The following AXDND1 variants were observed in gnomAD, a reference collection of about 807,000 sequenced individuals.
AXDND1 encodes axonemal dynein light chain domain containing 1.
AXDND1 carries 110 observed loss-of-function variants against 137.5 expected under a neutral mutation model. That is an observed-to-expected ratio of 0.80 (90% CI 0.69 to 0.94). The LOEUF is 0.94. Among genes scored for constraint, AXDND1 ranks in the 40% least tolerant of loss-of-function variants. AXDND1 has a pLI of 0.00. For missense variants in AXDND1, 1,191 were observed against 1,169.8 expected (o/e 1.02, Z -0.26); for synonymous variants, 414 against 399.7 (o/e 1.04, Z -0.43).
intron 21 of AXDND1, among the ~76,000 whole-genome samples, chr1:179,518,385 C>CTTTTTTTTTTT (rs71114530): frequency 6.9e-6 from 1 of 145,110 alleles, no homozygotes; most frequent in African/African-American, 2.6e-5. Context: ...TTTCCTTTTT[C>CTTTTTTTTTTT]TTTTTTTTTT....
At chr1:179,495,994 G>A (rs182295937) in intron 20 of AXDND1, among the ~76,000 whole-genome samples, 86 of 149,348 alleles carry the variant, frequency 5.8e-4, no homozygotes, top group Non-Finnish European at 1.1e-3. Flanking sequence ...TTTTTAGTGC[G>A]TTAATATGGT....
intron 11 of AXDND1, among the ~76,000 whole-genome samples, chr1:179,410,866 A>G (rs6674331): frequency 0.12 from 17,862 of 152,152 alleles, 1,236 homozygotes; most frequent in East Asian, 0.35. Context: ...TAGTGAAAAA[A>G]TAAAGAATAA....
chr1:179,430,520 A>G lies in AXDND1; in HGVS notation c.1401A>G (p.Lys467=). The change falls in exon 14 of 26, where the codon AAA becomes AAG. Residue 467 remains lysine (K), a synonymous_variant. Coordinates refer to ENST00000367618, the MANE Select transcript of AXDND1 (RefSeq NM_144696.6). ...QKWRNLVNKL[K]QEVEQMEEST... ...GGAGAAACTTAGTGAATAAACTTAA[A>G]CAAGAGGTAGAACAAATGGAAGAGT... The G allele has an allele frequency of 1.2e-6, 2 of 1,614,032 alleles. No individual in the cohort carries two copies. Among genetic ancestry groups the G allele is most frequent in the Non-Finnish European group, 1.7e-6 (2 of 1,179,988 alleles).
At chr1:179,457,908 T>C (rs1277103473) in intron 16 of AXDND1, among the ~76,000 whole-genome samples, 2 of 152,210 alleles carry the variant, frequency 1.3e-5, no homozygotes, top group Admixed American at 6.5e-5. Context: ...TAGAATAGGA[T>C]TGTTGCTAAC....
rs183806325 is a variant in AXDND1, at chr1:179,536,602, T to G, written c.3031+1640T>G. Among the ~76,000 whole-genome samples the G allele has an allele frequency of 3.9e-3, 598 of 152,312 alleles. 3 individuals are homozygous for G. Among genetic ancestry groups the G allele is most frequent in the African/African-American group, 0.014 (567 of 41,568 alleles). ...GTTTTGGTACCAGTACCATGCTGTT[T>G]TGGTTACCGTAGCCTTGTAGTATAG... On this transcript the variant is annotated intron_variant, in intron 25 of 25. Coordinates refer to ENST00000367618, the MANE Select transcript of AXDND1 (RefSeq NM_144696.6).
intron 9 of AXDND1, among the ~76,000 whole-genome samples, chr1:179,388,682 G>A (rs569883715): frequency 6.6e-6 from 1 of 151,924 alleles, no homozygotes; most frequent in Admixed American, 6.6e-5. Flanking sequence ...CTGACTCTCG[G>A]GTTCAAGTGA....
In AXDND1 at chr1:179,408,781, G is replaced by A. The variant is rs376587823; in HGVS notation, c.1110-2365G>A. 7.9e-5 allele frequency among the ~76,000 whole-genome samples: 12 copies of A among 152,062 alleles called. No individual in the cohort carries two copies. In the South Asian group the frequency reaches 1.0e-3, roughly 13 times the overall value. ...CTGCAGCCTTGACCTCAATGCTCAAGCAATCCTTACACATCAGCCAACTGA... is the reference window on the plus strand; with the variant it reads ...CTGCAGCCTTGACCTCAATGCTCAAACAATCCTTACACATCAGCCAACTGA... On this transcript the variant is annotated intron_variant, in intron 11 of 25. Coordinates refer to ENST00000367618, the MANE Select transcript of AXDND1 (RefSeq NM_144696.6).
intron 12 of AXDND1, among the ~76,000 whole-genome samples, chr1:179,421,318 A>G (rs1366932779): frequency 3.6e-5 from 4 of 111,576 alleles, no homozygotes; most frequent in Non-Finnish European, 7.4e-5. Flanking sequence ...GTGGTTCTCT[A>G]TGGTTTCCTT....
In AXDND1 at chr1:179,488,634, CCTTTCTTTCTTT is replaced by C. The variant is rs57848949; in HGVS notation, c.2092-2850_2092-2839del. Among the ~76,000 whole-genome samples, 679 of 105,202 alleles carry C rather than the reference CCTTTCTTTCTTT, an allele frequency of 6.5e-3. 29 individuals carry two copies. Among genetic ancestry groups the C allele is most frequent in the Middle Eastern group, 0.03 (7 of 232 alleles). The allele number at this position is 105,202 out of a possible 152,430, so 69.0% of individuals were successfully genotyped here. A position where few individuals can be genotyped will look rare whatever the true frequency, so the allele number is the denominator to read the frequency against. On this transcript the variant is annotated intron_variant, in intron 18 of 25. Coordinates refer to ENST00000367618, the MANE Select transcript of AXDND1 (RefSeq NM_144696.6). ...TTTCTTTCTTTCTCTCTCTCTCTCT[CCTTTCTTTCTTT>C]CTTTCTTTCTTTCTTTCTTTCTTTC... is the stretch of plus-strand genomic sequence containing the variant.
chr1:179,371,532 C>T (rs147914200), intron 4 of AXDND1, among the ~76,000 whole-genome samples: 37 of 152,232 alleles, frequency 2.4e-4, no homozygotes, highest in South Asian at 8.3e-4. Flanking sequence ...CTCAACCCCA[C>T]GAAAACATTT....
chr1:179,531,933 G>T (rs996409504), intron 23 of AXDND1, among the ~76,000 whole-genome samples: 1 of 152,192 alleles, frequency 6.6e-6, no homozygotes, highest in Non-Finnish European at 1.5e-5. Context: ...CATATAGTGA[G>T]TAAAATAGCA....
rs115610044 is a variant in AXDND1 at position 179,471,343 on chromosome 1, C to T, written c.1997+2702C>T. Among the ~76,000 whole-genome samples the T allele has an allele frequency of 6.7e-3, 1,019 of 152,212 alleles. 11 individuals are homozygous for T. The highest frequency in any genetic ancestry group is 0.022 in the African/African-American group (926 of 41,526). ...TCTTTGGGAGGATTCAGTGGTGCAG[C>T]CATCTGTGGGTAGGTTTTTGAGAAT... On this transcript the variant is annotated intron_variant, in intron 17 of 25. Coordinates refer to ENST00000367618, the MANE Select transcript of AXDND1 (RefSeq NM_144696.6).
chr1:179,534,995 G>A (rs6425574), intron 25 of AXDND1, 33 bp downstream of exon 25: 580,437 of 1,605,154 alleles, frequency 0.36, 107,832 homozygotes, highest in East Asian at 0.43. Context: ...CTTTATTCAG[G>A]TTGTATTTAT....
chr1:179,385,352 A>G lies in AXDND1; in HGVS notation c.856A>G (p.Lys286Glu). The change falls in exon 9 of 26, where the codon AAA (lysine) becomes GAA (glutamate). Residue 286 changes from lysine (K) to glutamate (E), a missense_variant. Lys to Glu is a moderately conservative substitution (Grantham distance 56, BLOSUM62 1). Coordinates refer to ENST00000367618, the MANE Select transcript of AXDND1 (RefSeq NM_144696.6). ...TGCAGACAGAGGAGAACTTCTGTCTAAAGTCAGGTTAGTGCTGTTATTGGA... is the reference window on the plus strand; with the variant it reads ...TGCAGACAGAGGAGAACTTCTGTCTGAAGTCAGGTTAGTGCTGTTATTGGA... ...DCADRGELLS[K>E]VRERYVQMLD... 1 of 1,614,058 alleles carries G rather than the reference A, an allele frequency of 6.2e-7. No homozygotes were observed. Among genetic ancestry groups the G allele is most frequent in the Non-Finnish European group, 8.5e-7 (1 of 1,179,956 alleles).
intron 25 of AXDND1, among the ~76,000 whole-genome samples, chr1:179,535,599 A>C (rs1266115995): frequency 6.6e-6 from 1 of 151,314 alleles, no homozygotes; most frequent in Non-Finnish European, 1.5e-5. Context: ...TATATGTGCC[A>C]CATTTTCTTT....
chr1:179,403,275 A>G (rs1370300843), intron 11 of AXDND1, among the ~76,000 whole-genome samples: 1 of 152,210 alleles, frequency 6.6e-6, no homozygotes, highest in Non-Finnish European at 1.5e-5. Flanking sequence ...CATTTACATC[A>G]TCTGTTTACA....
intron 21 of AXDND1, among the ~76,000 whole-genome samples, chr1:179,510,467 A>G (rs1668935898): frequency 6.6e-6 from 1 of 152,214 alleles, no homozygotes. Context: ...TTACATTTAA[A>G]CACTGAAGAA....
intron 20 of AXDND1, among the ~76,000 whole-genome samples, chr1:179,493,941 A>T: frequency 6.6e-6 from 1 of 151,992 alleles, no homozygotes; most frequent in Non-Finnish European, 1.5e-5. Flanking sequence ...CTGACACTTG[A>T]TATAGTCAGT....
chr1:179,413,387 TG>T (rs1654189521), intron 12 of AXDND1, among the ~76,000 whole-genome samples: 1 of 152,174 alleles, frequency 6.6e-6, no homozygotes, highest in South Asian at 2.1e-4. Flanking sequence ...TCTCAACTGT[TG>T]GTCCTTTCCC....
Sources: allele counts gnomAD v4.1 joint callset (sites outside exome capture counted in the v4.1 genomes callset), GRCh38; gene constraint gnomAD v4.1.1; transcripts MANE v1.5; gene names NCBI Gene and HGNC (gene_info 2026-07-23, HGNC 2026-07-21).